RSF1: variants seen among roughly 807,000 people sequenced by gnomAD.
The protein encoded by RSF1 is HBV pX-associated protein 8.
RSF1 carries 13 observed loss-of-function variants against 145.2 expected under a neutral mutation model. The ratio of observed to expected loss-of-function variants is 0.09; its 90% CI spans 0.06 to 0.14. The LOEUF (loss-of-function observed/expected upper bound fraction) is 0.14. Ranked by LOEUF, RSF1 falls within the 10% of genes least tolerant of loss-of-function variation. The probability of loss-of-function intolerance (pLI) is 1.00; values close to 1 mark genes in which losing one functional copy is unlikely to be tolerated. For missense variants in RSF1, 1,517 were observed against 1,718.2 expected, an observed-to-expected ratio of 0.88 and a Z score of 2.07; for synonymous variants, 577 against 592.6, an observed-to-expected ratio of 0.97 and a Z score of 0.38.
intron 5 of RSF1, among the ~76,000 whole-genome samples, chr11:77,722,102 C>T (rs1363236832): frequency 1.3e-5 from 2 of 152,118 alleles, no homozygotes; most frequent in Non-Finnish European, 2.9e-5. Context: ...ATCACTTGAG[C>T]CCAGGAGTTC....
intron 2 of RSF1, among the ~76,000 whole-genome samples, chr11:77,760,432 A>T (rs1044304323): frequency 6.6e-6 from 1 of 152,244 alleles, no homozygotes; most frequent in South Asian, 2.1e-4. Context: ...ATACTGATTG[A>T]TAACAGATAC....
chr11:77,676,748 C>T lies in RSF1; in HGVS notation c.3341+44G>A, dbSNP rs2135818190. 4 of 1,567,242 alleles carry T rather than the reference C, an allele frequency of 2.6e-6. No homozygotes were observed. In the East Asian group the frequency reaches 6.7e-5, roughly 26 times the overall value. On this transcript the variant is annotated intron_variant, in intron 13 of 15. Transcript: ENST00000308488. ...GCCTCTCTGCTAGCCCAGTCCTGTTCCTGCTGGTATCTAGGGATCGGGGCC... is the reference window on the plus strand; with the variant it reads ...GCCTCTCTGCTAGCCCAGTCCTGTTTCTGCTGGTATCTAGGGATCGGGGCC...
In RSF1 at chr11:77,660,497, C is replaced by A. The variant is rs1689295887; in HGVS notation, c.*6420G>T. ...ACTAACAGCATGGTCCTGATTACCT[C>A]AAGAGTTAGTTTTATGCCAATCTTG... On this transcript the variant is annotated 3_prime_UTR_variant, in exon 16 of 16. Transcript: ENST00000308488. The A allele has an allele frequency of 6.7e-6, 1 of 149,802 alleles. No individual in the cohort carries two copies. Among genetic ancestry groups the A allele is most frequent in the South Asian group, 2.2e-4 (1 of 4,588 alleles). The allele number at this position is 149,802 out of a possible 1,614,324, so 9.3% of individuals were successfully genotyped here.
rs900656432 is a variant in RSF1 at position 77,690,826 on chromosome 11, A to G, written c.2900+333T>C. The G allele has an allele frequency of 1.1e-5, 3 of 274,306 alleles. No homozygotes were observed. The South Asian group carries it at 1.9e-4, about 17-fold the overall frequency. The allele number at this position is 274,306 out of a possible 1,614,324, so 17.0% of individuals were successfully genotyped here. On this transcript the variant is annotated intron_variant, in intron 9 of 15. Coordinates refer to ENST00000308488, the MANE Select transcript of RSF1 (RefSeq NM_016578.4). Reference sequence around the variant, plus strand: ...ATAAGGTCTCTGTTCCAACTACTCAATGCTGCTGTCACAGGGCAAAAGTAG... The same window carrying G: ...ATAAGGTCTCTGTTCCAACTACTCAGTGCTGCTGTCACAGGGCAAAAGTAG...
At position 77,765,459 on chromosome 11, in the gene RSF1, T is replaced by A. The variant is rs550363755; in HGVS notation, c.188-770A>T. Among the ~76,000 whole-genome samples, 20 of 152,346 alleles carry A rather than the reference T, an allele frequency of 1.3e-4. No homozygotes were observed. In the South Asian group the frequency reaches 3.9e-3, roughly 30 times the overall value. On this transcript the variant is annotated intron_variant, in intron 1 of 15. Coordinates refer to ENST00000308488, the MANE Select transcript of RSF1 (RefSeq NM_016578.4). ...CCTTCCATAGCACTTAGTTCTGTTT[T>A]CTGGATAGTTCTAATTACTAGAAAG... is the stretch of plus-strand genomic sequence containing the variant.
the RSF1 span, among the ~76,000 whole-genome samples, chr11:77,855,079 T>G: frequency 1.3e-5 from 2 of 151,988 alleles, no homozygotes; most frequent in Non-Finnish European, 2.9e-5. Flanking sequence ...AGAGCTGGAG[T>G]GGCCGTGATG....
At chr11:77,836,880 G>A in the RSF1 span, among the ~76,000 whole-genome samples, 17 of 152,060 alleles carry the variant, frequency 1.1e-4, no homozygotes, top group Admixed American at 3.3e-4. Flanking sequence ...CAGGAGAATC[G>A]CTTGAACCCG....
At chr11:77,861,570 G>A in the RSF1 span, among the ~76,000 whole-genome samples, 2 of 152,228 alleles carry the variant, frequency 1.3e-5, no homozygotes, top group Non-Finnish European at 2.9e-5. Flanking sequence ...TTCTGACTCA[G>A]AGGACCTTCG....
the RSF1 span, among the ~76,000 whole-genome samples, chr11:77,840,455 G>A: frequency 0.017 from 2,525 of 152,292 alleles, 22 homozygotes; most frequent in African/African-American, 0.02. Context: ...CTTGAACCCC[G>A]GAGGTGGAGG....
At chr11:77,778,225 GGT>G (rs1948367157) in intron 1 of RSF1, among the ~76,000 whole-genome samples, 1 of 58,362 alleles carries the variant, frequency 1.7e-5, no homozygotes, top group African/African-American at 7.4e-5. Context: ...GAGGGGAGGG[GGT>G]GGGGGAGGGA....
intron 5 of RSF1, chr11:77,718,015 A>G (rs1334150298): frequency 1.3e-5 from 2 of 152,260 alleles, no homozygotes; most frequent in Admixed American, 1.3e-4. Flanking sequence ...CAAAATGAAA[A>G]GAAAGTTTTG....
At chr11:77,841,089 T>A in the RSF1 span, 2 of 668,094 alleles carry the variant, frequency 3.0e-6, no homozygotes, top group Non-Finnish European at 5.5e-6. Context: ...CATCATCCTA[T>A]AGTGGAAGTC....
chr11:77,766,712 G>A (rs751858099), intron 1 of RSF1, among the ~76,000 whole-genome samples: 6 of 152,220 alleles, frequency 3.9e-5, no homozygotes, highest in Non-Finnish European at 7.3e-5. Context: ...AATGAGGCCA[G>A]GCTCAGAAGT....
intron 1 of RSF1, among the ~76,000 whole-genome samples, chr11:77,796,234 T>A (rs897869534): frequency 2.1e-4 from 32 of 152,310 alleles, no homozygotes; most frequent in African/African-American, 7.5e-4. Flanking sequence ...CCAATATCCC[T>A]GATGAACATC....
chr11:77,845,086 G>A, the RSF1 span, among the ~76,000 whole-genome samples: 1 of 152,062 alleles, frequency 6.6e-6, no homozygotes, highest in African/African-American at 2.4e-5. Context: ...ATATCTTTGA[G>A]TTTGTCCTAC....
At chr11:77,713,924 A>G (rs1402431814) in intron 5 of RSF1, among the ~76,000 whole-genome samples, 1 of 152,152 alleles carries the variant, frequency 6.6e-6, no homozygotes, top group Non-Finnish European at 1.5e-5. Flanking sequence ...TAATCCCAGG[A>G]GATTTGAACT....
At chr11:77,811,572 C>T (rs1948731690) in intron 1 of RSF1, among the ~76,000 whole-genome samples, 1 of 152,106 alleles carries the variant, frequency 6.6e-6, no homozygotes, top group Admixed American at 6.6e-5. Context: ...ATGACGGGTA[C>T]AGTGAGCAGG....
the RSF1 span, among the ~76,000 whole-genome samples, chr11:77,828,920 A>G: frequency 6.6e-6 from 1 of 152,184 alleles, no homozygotes; most frequent in Non-Finnish European, 1.5e-5. Context: ...TATCCAAAAC[A>G]GTTTTTCAGA....
intron 5 of RSF1, chr11:77,717,831 C>T (rs1479910113): frequency 6.6e-6 from 1 of 152,168 alleles, no homozygotes; most frequent in Non-Finnish European, 1.5e-5. Flanking sequence ...TTATGAGTAA[C>T]ATCATAAATA....
Sources: allele counts gnomAD v4.1 joint callset (sites outside exome capture counted in the v4.1 genomes callset), GRCh38; gene constraint gnomAD v4.1.1; transcripts MANE v1.5; gene names NCBI Gene and HGNC (gene_info 2026-07-23, HGNC 2026-07-21).